Variants in BTAF1 observed in about 807,000 individuals in gnomAD.
BTAF1 encodes B-TFIID TATA-box binding protein associated factor 1.
BTAF1 carries 38 observed loss-of-function variants against 227.1 expected under a neutral mutation model. That is an observed-to-expected ratio of 0.17 (90% confidence interval 0.13 to 0.22). The LOEUF (loss-of-function observed/expected upper bound fraction) is 0.22, where lower values mean the gene tolerates loss of function less well. Ranked by LOEUF, BTAF1 falls within the 10% of genes least tolerant of loss-of-function variation. The probability of loss-of-function intolerance (pLI) is 1.00; values close to 1 mark genes in which losing one functional copy is unlikely to be tolerated. For missense variants in BTAF1, 1,598 were observed against 2,204.0 expected, an observed-to-expected ratio of 0.73 and a Z score of 5.51; for synonymous variants, 742 against 751.9, an observed-to-expected ratio of 0.99 and a Z score of 0.21.
intron 35 of BTAF1, among the ~76,000 whole-genome samples, chr10:92,026,205 ACT>A (rs1315999048): frequency 6.6e-6 from 1 of 151,944 alleles, no homozygotes; most frequent in East Asian, 1.9e-4. Context: ...CAACCCTAAC[ACT>A]CTCACCTTCT....
intron 11 of BTAF1, among the ~76,000 whole-genome samples, chr10:91,960,579 C>A (rs939941682): frequency 3.3e-4 from 47 of 143,502 alleles, no homozygotes; most frequent in African/African-American, 1.2e-3. Context: ...TTTACATAAA[C>A]TGTCAGTGTT....
intron 34 of BTAF1, 50 bp downstream of exon 34, chr10:92,018,985 A>C: frequency 7.3e-7 from 1 of 1,376,518 alleles, no homozygotes. Flanking sequence ...CAGGAATATA[A>C]ATTCTTGGTA....
intron 19 of BTAF1, among the ~76,000 whole-genome samples, chr10:91,988,382 T>C (rs1306356073): frequency 6.6e-6 from 1 of 152,230 alleles, no homozygotes; most frequent in Non-Finnish European, 1.5e-5. Flanking sequence ...TTTAAACTTT[T>C]AGCATTGTAA....
Position 92,016,483 on chromosome 10 carries a change from CTTTT to C in BTAF1, c.4710+28_4710+31del. On this transcript the variant is annotated intron_variant, in intron 33 of 37. Coordinates refer to ENST00000265990, the MANE Select transcript of BTAF1 (RefSeq NM_003972.3). ...TATTCCAGGTATAGATTACATTCTACTTTTTTTTTTTTTGAGATGGAATTTCACT... is the reference window on the plus strand; with the variant it reads ...TATTCCAGGTATAGATTACATTCTACTTTTTTTTTGAGATGGAATTTCACT... 1 of 1,338,208 alleles carries C rather than the reference CTTTT, an allele frequency of 7.5e-7. No individual in the cohort carries two copies. Among genetic ancestry groups the C allele is most frequent in the African/African-American group, 1.6e-5 (1 of 62,898 alleles). The allele number at this position is 1,338,208 out of a possible 1,614,324, so 82.9% of individuals were successfully genotyped here. A position where few individuals can be genotyped will look rare whatever the true frequency, so the allele number is the denominator to read the frequency against.
Position 92,011,156 on chromosome 10 carries a change from A to T in BTAF1, c.4181+6A>T. The T allele has an allele frequency of 6.4e-7, 1 of 1,572,176 alleles. No individual in the cohort carries two copies. Among genetic ancestry groups the T allele is most frequent in the East Asian group, 2.3e-5 (1 of 44,258 alleles). On this transcript the variant is annotated splice_donor_region_variant and intron_variant, in intron 29 of 37. Coordinates refer to ENST00000265990, the MANE Select transcript of BTAF1 (RefSeq NM_003972.3). ...AATGACATAGATTTCTTTAGGTAAG[A>T]ATTAATTTTTTTTTTAGAAAAATTA...
chr10:92,008,115 C>G lies in BTAF1; in HGVS notation c.3661-8C>G. ...TAGTTTTTAATAACTTTAAAAAAATCATTTTAGGCAGGCATTCCAGACCCT... is the reference window on the plus strand; with the variant it reads ...TAGTTTTTAATAACTTTAAAAAAATGATTTTAGGCAGGCATTCCAGACCCT... On this transcript the variant is annotated splice_polypyrimidine_tract_variant and splice_region_variant and intron_variant, in intron 25 of 37. Coordinates refer to ENST00000265990, the MANE Select transcript of BTAF1 (RefSeq NM_003972.3). 1.3e-6 allele frequency: 2 copies of G among 1,566,180 alleles called. No homozygotes were observed. Among genetic ancestry groups the G allele is most frequent in the Non-Finnish European group, 8.6e-7 (1 of 1,167,336 alleles).
chr10:91,942,717 T>C (rs572783294), intron 4 of BTAF1, 149 bp downstream of exon 4: 1 of 863,426 alleles, frequency 1.2e-6, no homozygotes, highest in South Asian at 1.9e-5. Context: ...ATGCTATGAA[T>C]GGGAGGTAAC....
chr10:92,018,733 T>C (rs751556000), intron 33 of BTAF1, 50 bp from the exon 34 acceptor site: 4 of 1,354,602 alleles, frequency 3.0e-6, no homozygotes, highest in Non-Finnish European at 3.9e-6. Context: ...GATAAAAATA[T>C]TTGTGATATG....
intron 17 of BTAF1, 31 bp downstream of exon 17, chr10:91,982,256 A>G: frequency 1.9e-6 from 3 of 1,613,584 alleles, no homozygotes; most frequent in Non-Finnish European, 2.5e-6. Flanking sequence ...AGGTAGTCAT[A>G]CATTTACAAG....
At chr10:91,948,115 C>G (rs936078007) in intron 4 of BTAF1, among the ~76,000 whole-genome samples, 4 of 152,004 alleles carry the variant, frequency 2.6e-5, no homozygotes, top group African/African-American at 9.7e-5. Context: ...CGCATTAACT[C>G]GTCATTTACA....
chr10:92,008,345 G>A, intron 26 of BTAF1, 70 bp downstream of exon 26: 1 of 1,380,900 alleles, frequency 7.2e-7, no homozygotes, highest in South Asian at 1.5e-5. Flanking sequence ...GTTGGGGGGG[G>A]CTTTTGTTTC....
At chr10:92,004,516 G>A (rs893572093) in intron 25 of BTAF1, among the ~76,000 whole-genome samples, 2 of 152,138 alleles carry the variant, frequency 1.3e-5, no homozygotes, top group Non-Finnish European at 2.9e-5. Context: ...TGCCCAGGCT[G>A]GAGTGCAGTT....
chr10:91,931,594 A>G (rs1368110846), intron 1 of BTAF1, among the ~76,000 whole-genome samples: 1 of 151,492 alleles, frequency 6.6e-6, no homozygotes, highest in Non-Finnish European at 1.5e-5. Flanking sequence ...CTTCCTTCAG[A>G]CCTCTCCCTC....
rs956404331 is a variant in BTAF1 at position 92,031,008 on chromosome 10, T to C, written c.*2075T>C. 4.6e-5 allele frequency among the ~76,000 whole-genome samples: 7 copies of C among 152,160 alleles called. No homozygotes were observed. The highest frequency in any genetic ancestry group is 1.7e-4 in the African/African-American group (7 of 41,432). Reference sequence around the variant, plus strand: ...ACTGCTGTCAATTTCATGGATGTGATGATTTGGTAGTTTTTTCAATGTATG... The same window carrying C: ...ACTGCTGTCAATTTCATGGATGTGACGATTTGGTAGTTTTTTCAATGTATG... On this transcript the variant is annotated 3_prime_UTR_variant, in exon 38 of 38. Transcript: ENST00000265990.
In BTAF1 at chr10:91,957,301, T is replaced by A. The variant is rs772563544; in HGVS notation, c.900+8T>A. On this transcript the variant is annotated splice_region_variant and intron_variant, in intron 8 of 37. Transcript: ENST00000265990. ...TTTAATCCCTCCTGGGAGGTAAGAT[T>A]TCTTCATTACAGTTTTTCTCAGCTC... 1 of 1,604,826 alleles carries A rather than the reference T, an allele frequency of 6.2e-7. No homozygotes were observed.
chr10:91,950,281 GTAGCTTT>G (rs1176212516), intron 4 of BTAF1, among the ~76,000 whole-genome samples: 4 of 150,738 alleles, frequency 2.7e-5, no homozygotes, highest in East Asian at 1.9e-4. Flanking sequence ...TTTCGCTTTT[GTAGCTTT>G]TAGCTTTTAG....
At position 91,924,033 on chromosome 10, in the gene BTAF1, C is replaced by T. The variant is rs1379051993; in HGVS notation, c.-44C>T. The T allele has an allele frequency of 1.9e-5, 30 of 1,598,000 alleles. No homozygotes were observed. Among genetic ancestry groups the T allele is most frequent in the Non-Finnish European group, 2.6e-5 (30 of 1,174,496 alleles). The stretch of plus-strand genomic sequence containing the variant: ...TCTGGAAACTAGCGCCTCAGCTGCG[C>T]GGCGCGTAGGTCGCGGGGAGCTCCG... On this transcript the variant is annotated 5_prime_UTR_variant, in exon 1 of 38. Coordinates refer to ENST00000265990, the MANE Select transcript of BTAF1 (RefSeq NM_003972.3).
At chr10:91,932,931 T>G (rs1844368868) in intron 1 of BTAF1, among the ~76,000 whole-genome samples, 1 of 152,228 alleles carries the variant, frequency 6.6e-6, no homozygotes, top group Admixed American at 6.5e-5. Flanking sequence ...ATACCCATAT[T>G]CTCAGCTGTG....
rs1388366090 is a variant in BTAF1, at chr10:92,030,084, A to ATATT, written c.*1153_*1156dup. 1.3e-5 allele frequency: 2 copies of ATATT among 152,568 alleles called. No homozygotes were observed. The highest frequency in any genetic ancestry group is 2.9e-5 in the Non-Finnish European group (2 of 67,954). The allele number at this position is 152,568 out of a possible 1,614,324, so 9.5% of individuals were successfully genotyped here. Reference sequence around the variant, plus strand: ...CTGTGTGCATACATATGTATGGGATATATTTGTATATATATGTACAGGTAA... The same window carrying ATATT: ...CTGTGTGCATACATATGTATGGGATATATTTATTTGTATATATATGTACAGGTAA... On this transcript the variant is annotated 3_prime_UTR_variant, in exon 38 of 38. Coordinates refer to ENST00000265990, the MANE Select transcript of BTAF1 (RefSeq NM_003972.3).
Sources: allele counts gnomAD v4.1 joint callset (sites outside exome capture counted in the v4.1 genomes callset), GRCh38; gene constraint gnomAD v4.1.1; transcripts MANE v1.5; gene names NCBI Gene and HGNC (gene_info 2026-07-23, HGNC 2026-07-21).